The following RPS6KA2 variants were observed in gnomAD, a reference collection of about 807,000 sequenced individuals.
RPS6KA2 encodes ribosomal protein S6 kinase alpha-2.
RPS6KA2 carries 42 observed loss-of-function variants against 91.8 expected under a neutral mutation model. The observed-to-expected ratio is 0.46, with a 90% CI of 0.36 to 0.59. The LOEUF (loss-of-function observed/expected upper bound fraction) is 0.59. RPS6KA2 is among the 20% of genes least tolerant of loss of function. The pLI is 0.00. For synonymous variants in RPS6KA2, 414 were observed against 393.6 expected (o/e 1.05, Z -0.61); for missense variants, 798 against 978.5 (o/e 0.82, Z 2.46).
chr6:166,787,985 A>AAC (rs1334863153), intron 2 of RPS6KA2, among the ~76,000 whole-genome samples: 1 of 151,764 alleles, frequency 6.6e-6, no homozygotes, highest in Non-Finnish European at 1.5e-5. Context: ...CAAAAAAAAA[A>AAC]AAAAAAAACC....
chr6:166,447,520 C>T (rs1325118333), intron 14 of RPS6KA2, among the ~76,000 whole-genome samples: 3 of 152,148 alleles, frequency 2.0e-5, no homozygotes, highest in East Asian at 1.9e-4. Context: ...GACAGCAAAG[C>T]GTTTTCCCAG....
chr6:166,649,223 G>A (rs932036392), intron 2 of RPS6KA2, among the ~76,000 whole-genome samples: 21 of 151,950 alleles, frequency 1.4e-4, no homozygotes, highest in African/African-American at 4.4e-4. Flanking sequence ...CCCTGCGCCC[G>A]TCTGCGCTCC....
chr6:166,727,926 A>G (rs1790389245), intron 2 of RPS6KA2, among the ~76,000 whole-genome samples: 1 of 152,228 alleles, frequency 6.6e-6, no homozygotes, highest in Admixed American at 6.5e-5. Context: ...CATGAATTCA[A>G]CCAACTGAGG....
At chr6:166,699,553 C>G (rs570884208) in intron 2 of RPS6KA2, among the ~76,000 whole-genome samples, 12 of 152,196 alleles carry the variant, frequency 7.9e-5, no homozygotes, top group African/African-American at 2.9e-4. Flanking sequence ...ATATACAAGT[C>G]TTTAGATCAG....
chr6:166,451,297 AGTGT>A (rs1401097119), intron 12 of RPS6KA2, 64 bp from the exon 13 acceptor site: 3 of 1,573,496 alleles, frequency 1.9e-6, no homozygotes, highest in Non-Finnish European at 1.7e-6. Context: ...GTGAAGTGAT[AGTGT>A]GTGTGTGCAT....
intron 14 of RPS6KA2, among the ~76,000 whole-genome samples, chr6:166,441,020 C>A (rs2128450703): frequency 6.6e-6 from 1 of 152,298 alleles, no homozygotes; most frequent in South Asian, 2.1e-4. Flanking sequence ...CTGGACAGAG[C>A]ATCTATTCTG....
At chr6:166,569,199 ACCCACAGGGGCTGAGAC>A (rs1166193015) in intron 1 of RPS6KA2, among the ~76,000 whole-genome samples, 1 of 152,096 alleles carries the variant, frequency 6.6e-6, no homozygotes, top group Non-Finnish European at 1.5e-5. Flanking sequence ...ACAATCTTCA[ACCCACAGGGGCTGAGAC>A]CCCGCAGGGG....
intron 2 of RPS6KA2, among the ~76,000 whole-genome samples, chr6:166,838,642 A>C (rs1780380654): frequency 6.6e-6 from 1 of 152,256 alleles, no homozygotes; most frequent in South Asian, 2.1e-4. Flanking sequence ...CCTACGTGTC[A>C]TTAATACACA....
At position 166,554,080 on chromosome 6, in the gene RPS6KA2, C is replaced by T. The variant is rs1784104537; in HGVS notation, c.100-15296G>A. The stretch of plus-strand genomic sequence containing the variant: ...GTGTGTATCTGTCTATCTGTCTGTC[C>T]AGGCAAGAACATTTGGAATTTTCTA... On this transcript the variant is annotated intron_variant, in intron 1 of 20. Coordinates refer to ENST00000265678, the MANE Select transcript of RPS6KA2 (RefSeq NM_021135.6). This position sits in a 1 kb window ranked among gnomAD's most constrained non-coding sequence, Gnocchi z 4.3. Among the ~76,000 whole-genome samples, 1 of 152,174 alleles carries T rather than the reference C, an allele frequency of 6.6e-6. No individual in the cohort carries two copies. The highest frequency in any genetic ancestry group is 2.1e-4 in the South Asian group (1 of 4,820).
intron 2 of RPS6KA2, among the ~76,000 whole-genome samples, chr6:166,723,567 C>T (rs56238185): frequency 0.08 from 12,140 of 152,250 alleles, 814 homozygotes; most frequent in African/African-American, 0.19. Flanking sequence ...TACGTAAATA[C>T]AAACAGAAGC....
intron 2 of RPS6KA2, among the ~76,000 whole-genome samples, chr6:166,718,359 C>T (rs1451462625): frequency 6.7e-6 from 1 of 149,250 alleles, no homozygotes; most frequent in Non-Finnish European, 1.5e-5. Flanking sequence ...AATGCTCAGC[C>T]TTATGTGAGG....
chr6:166,795,978 T>C (rs1317859636), intron 2 of RPS6KA2, among the ~76,000 whole-genome samples: 10 of 152,196 alleles, frequency 6.6e-5, no homozygotes, highest in Admixed American at 6.5e-4. Context: ...CCAGGCACTA[T>C]AAAGATTATT....
chr6:166,689,221 C>G (rs1037832704), intron 2 of RPS6KA2, among the ~76,000 whole-genome samples: 6 of 152,210 alleles, frequency 3.9e-5, no homozygotes, highest in Non-Finnish European at 8.8e-5. Flanking sequence ...CTTCTTTACC[C>G]CTGCAGAGAA....
At chr6:166,751,751 G>C (rs542757883) in intron 2 of RPS6KA2, among the ~76,000 whole-genome samples, 1 of 152,252 alleles carries the variant, frequency 6.6e-6, no homozygotes, top group Non-Finnish European at 1.5e-5. Context: ...ATAGTCAGCC[G>C]ATTTGGGGAT....
In RPS6KA2 at chr6:166,737,682, G is replaced by A. The variant is rs912852816; in HGVS notation, c.123+120518C>T. Among the ~76,000 whole-genome samples the A allele has an allele frequency of 1.3e-5, 2 of 152,064 alleles. No individual in the cohort carries two copies. Among genetic ancestry groups the A allele is most frequent in the African/African-American group, 4.8e-5 (2 of 41,384 alleles). ...GGCTAACGTCCGGATAATCCCCCCA[G>A]GTACCTGGGCCATGGATCTAACTCC... On this transcript the variant is annotated intron_variant, in intron 2 of 21. Transcript: ENST00000503859. The surrounding 1 kb of genome is among the most constrained non-coding windows in gnomAD (Gnocchi z 4.3).
chr6:166,419,908 C>T lies in RPS6KA2; in HGVS notation c.1794G>A (p.Gly598=). The change falls in exon 18 of 21, where the codon GGG becomes GGA. Residue 598 remains glycine (G), a synonymous_variant. Transcript: ENST00000265678. The surrounding 1 kb of genome is among the most constrained non-coding windows in gnomAD (Gnocchi z 5.6). ...CTGCCAGCATGGTGTACAACAGGAT[C>T]CCCAAACTCCAGATGTCACACGCCG... ...YDAACDIWSL[G]ILLYTMLAGF... 1 of 1,613,988 alleles carries T rather than the reference C, an allele frequency of 6.2e-7. No homozygotes were observed. Among genetic ancestry groups the T allele is most frequent in the South Asian group, 1.1e-5 (1 of 91,082 alleles).
rs139570776 is a variant in RPS6KA2, at chr6:166,665,023, T to C, written c.124-126239A>G. The stretch of plus-strand genomic sequence containing the variant: ...ACTTTGAGAGGCTGAGGCAAGAGGA[T>C]TGCTTGAGCCCAGAAGTTGGAGACC... On this transcript the variant is annotated intron_variant, in intron 2 of 21. Transcript: ENST00000503859. This position sits in a 1 kb window ranked among gnomAD's most constrained non-coding sequence, Gnocchi z 4.5. 1.8e-3 allele frequency among the ~76,000 whole-genome samples: 278 copies of C among 152,206 alleles called. No individual in the cohort carries two copies. The highest frequency in any genetic ancestry group is 3.4e-3 in the Middle Eastern group (1 of 294).
intron 2 of RPS6KA2, among the ~76,000 whole-genome samples, chr6:166,824,407 G>A (rs1465495758): frequency 6.6e-6 from 1 of 152,216 alleles, no homozygotes; most frequent in East Asian, 1.9e-4. Flanking sequence ...ACCTGCTGGG[G>A]TTCTCACTCT....
intron 10 of RPS6KA2, among the ~76,000 whole-genome samples, chr6:166,473,285 G>C (rs1039053223): frequency 6.6e-6 from 1 of 152,010 alleles, no homozygotes; most frequent in Non-Finnish European, 1.5e-5. Context: ...CGATTTCCTG[G>C]GCTCAGGTGA....
Sources: gnomAD v4.1 joint callset for allele counts (sites outside exome capture counted in the v4.1 genomes callset) on GRCh38, gnomAD v4.1.1 for gene constraint, Gnocchi (gnomAD v3.1) non-coding constraint, MANE v1.5 for transcripts, NCBI Gene and HGNC (gene_info 2026-07-23, HGNC 2026-07-21) for gene names.